Variants in STEAP3 observed in about 807,000 individuals in gnomAD.
STEAP3 encodes metalloreductase STEAP3.
In STEAP3, 35 loss-of-function variants were observed where a neutral mutation model predicts 34.9. The observed-to-expected ratio is 1.00, with a 90% CI of 0.76 to 1.33. The LOEUF is 1.33. STEAP3 is among the 40% of genes most tolerant of loss of function. The probability of loss-of-function intolerance (pLI) is 0.00; values close to 1 mark genes in which losing one functional copy is unlikely to be tolerated. For synonymous variants in STEAP3, 281 were observed against 301.6 expected (o/e 0.93, Z 0.71); for missense variants, 652 against 667.6 (o/e 0.98, Z 0.26).
In STEAP3 at chr2:119,264,052, G is replaced by A. The variant is rs562670596; in HGVS notation, c.*714G>A. On this transcript the variant is annotated 3_prime_UTR_variant, in exon 6 of 6. Transcript: ENST00000393110. The stretch of plus-strand genomic sequence containing the variant: ...AAAGTCAGAAGTCACCATAGAGCCT[G>A]CAAATGGATCCTCCTGTGAGAGTGA... 1 of 154,506 alleles carries A rather than the reference G, an allele frequency of 6.5e-6. No homozygotes were observed. Among genetic ancestry groups the A allele is most frequent in the Middle Eastern group, 3.4e-3 (1 of 294 alleles). 9.6% of individuals were successfully genotyped at this position (154,506 alleles called of 1,614,324 possible).
intron 5 of STEAP3, among the ~76,000 whole-genome samples, chr2:119,256,654 G>A (rs561952852): frequency 6.6e-6 from 1 of 152,346 alleles, no homozygotes; most frequent in East Asian, 1.9e-4. Context: ...CACTGCAAGA[G>A]CAGGGGGGGT....
chr2:119,253,346 G>C (rs562935990), intron 4 of STEAP3, among the ~76,000 whole-genome samples: 1 of 152,148 alleles, frequency 6.6e-6, no homozygotes, highest in African/African-American at 2.4e-5. Context: ...ACAGATTGCA[G>C]GAAAAGCACT....
At chr2:119,233,833 G>T (rs1159310770) in intron 2 of STEAP3, among the ~76,000 whole-genome samples, 4 of 152,196 alleles carry the variant, frequency 2.6e-5, no homozygotes, top group Non-Finnish European at 4.4e-5. Context: ...TGAGCTCTTG[G>T]GACCCTGGCG....
chr2:119,242,814 G>A (rs1194430851), intron 2 of STEAP3, among the ~76,000 whole-genome samples: 4 of 152,150 alleles, frequency 2.6e-5, no homozygotes, highest in Non-Finnish European at 5.9e-5. Flanking sequence ...TTAACATAAG[G>A]CAGAGTCAGG....
intron 5 of STEAP3, among the ~76,000 whole-genome samples, chr2:119,258,152 G>A (rs1677829303): frequency 1.3e-5 from 2 of 152,166 alleles, no homozygotes; most frequent in South Asian, 4.2e-4. Context: ...GTAACTTCCT[G>A]ACATTGCCAT....
In STEAP3 at chr2:119,247,753, C is replaced by T. The variant is rs773605963; in HGVS notation, c.597C>T (p.Pro199=). Residue 199 remains proline, a synonymous_variant, in exon 4 of 6, where the codon CCC becomes CCT. Transcript: ENST00000393110. ...TGGCGCTCGCCATGGGCTTCATGCC[C>T]GTGGACATGGGATCCCTGGCGTCAG... is the stretch of plus-strand genomic sequence containing the variant. ...SEMALAMGFM[P]VDMGSLASAW... 23 of 1,602,470 alleles carry T rather than the reference C, an allele frequency of 1.4e-5. No homozygotes were observed. Among genetic ancestry groups the T allele is most frequent in the East Asian group, 1.1e-4 (5 of 44,756 alleles).
At position 119,225,064 on chromosome 2, in the gene STEAP3, T is replaced by A. The variant is rs73948616; in HGVS notation, c.-394+1176T>A. Among the ~76,000 whole-genome samples the A allele has an allele frequency of 7.8e-3, 1,194 of 152,320 alleles. 17 individuals carry two copies. The highest frequency in any genetic ancestry group is 0.027 in the African/African-American group (1,117 of 41,572). ...TCTGGCAGCCCCAAGAATACAGTGC[T>A]GAGAGCCAGAAGGTCCACAAAACCA... is the stretch of plus-strand genomic sequence containing the variant. On this transcript the variant is annotated intron_variant, in intron 1 of 5. Transcript: ENST00000393110.
chr2:119,224,712 C>T (rs1055136885), intron 1 of STEAP3, among the ~76,000 whole-genome samples: 6 of 152,154 alleles, frequency 3.9e-5, no homozygotes, highest in Admixed American at 3.9e-4. Flanking sequence ...AGATGGGCTC[C>T]AGAAGTGGGG....
intron 2 of STEAP3, among the ~76,000 whole-genome samples, chr2:119,235,118 A>G (rs915431557): frequency 6.6e-6 from 1 of 152,092 alleles, no homozygotes; most frequent in Admixed American, 6.5e-5. Flanking sequence ...GTCCCCTAGA[A>G]CTGCTCCTCT....
chr2:119,255,790 G>C (rs1252710058), intron 5 of STEAP3, among the ~76,000 whole-genome samples: 1 of 151,826 alleles, frequency 6.6e-6, no homozygotes, highest in Non-Finnish European at 1.5e-5. Flanking sequence ...GGGAAATGCT[G>C]CTAGTGGCAA....
At chr2:119,232,587 T>C in intron 2 of STEAP3, among the ~76,000 whole-genome samples, 1 of 152,180 alleles carries the variant, frequency 6.6e-6, no homozygotes, top group Non-Finnish European at 1.5e-5. Context: ...GTGGGGGACT[T>C]CCCTGAAAAC....
At chr2:119,234,308 AG>A (rs1392768887) in intron 2 of STEAP3, among the ~76,000 whole-genome samples, 4 of 152,228 alleles carry the variant, frequency 2.6e-5, no homozygotes, top group Non-Finnish European at 5.9e-5. Flanking sequence ...GGGTTTGTGC[AG>A]CTCCAGGTCT....
intron 2 of STEAP3, among the ~76,000 whole-genome samples, chr2:119,242,202 G>T (rs1278755726): frequency 1.3e-5 from 2 of 152,182 alleles, no homozygotes; most frequent in Non-Finnish European, 2.9e-5. Flanking sequence ...CAGAGGAGAG[G>T]CTTCTGTCCA....
intron 2 of STEAP3, among the ~76,000 whole-genome samples, chr2:119,231,399 G>A (rs1676933024): frequency 2.0e-5 from 3 of 148,254 alleles, no homozygotes; most frequent in African/African-American, 7.4e-5. Flanking sequence ...GGATGTTAAT[G>A]TTTATGATGC....
chr2:119,262,331 T>C (rs1222301899), intron 5 of STEAP3, among the ~76,000 whole-genome samples: 3 of 133,618 alleles, frequency 2.2e-5, no homozygotes, highest in East Asian at 5.5e-4. Context: ...ACTAGTAAAA[T>C]TTATACACAC....
chr2:119,248,131 G>A lies in STEAP3; in HGVS notation c.975G>A (p.Leu325=). 2 of 1,608,580 alleles carry A rather than the reference G, an allele frequency of 1.2e-6. No individual in the cohort carries two copies. The highest frequency in any genetic ancestry group is 8.5e-7 in the Non-Finnish European group (1 of 1,179,862). ...IGLLSFFCAA[L]HALYSFCLPL... is the part of the protein sequence containing the mutation. ...TGCTCAGCTTCTTCTGCGCCGCCCT[G>A]CACGCCCTCTACAGCTTCTGCTTGC... The change falls in exon 4 of 6, where the codon CTG becomes CTA. Residue 325 remains leucine (L), a synonymous_variant. Coordinates refer to ENST00000393110, the MANE Select transcript of STEAP3 (RefSeq NM_182915.3).
chr2:119,242,300 T>G (rs1258641040), intron 2 of STEAP3, among the ~76,000 whole-genome samples: 2 of 152,144 alleles, frequency 1.3e-5, no homozygotes, highest in Non-Finnish European at 2.9e-5. Context: ...TTCCTCCCCA[T>G]CAGGGCAAAA....
chr2:119,256,690 A>G (rs1677783669), intron 5 of STEAP3, among the ~76,000 whole-genome samples: 1 of 152,184 alleles, frequency 6.6e-6, no homozygotes, highest in Non-Finnish European at 1.5e-5. Flanking sequence ...GCAGGATTTT[A>G]CTTGTGGAAA....
intron 2 of STEAP3, among the ~76,000 whole-genome samples, chr2:119,240,658 G>A (rs1677221259): frequency 6.6e-6 from 1 of 152,252 alleles, no homozygotes; most frequent in Non-Finnish European, 1.5e-5. Flanking sequence ...GGAGGGGACA[G>A]ACAAGCCTGG....
Sources: gnomAD v4.1 joint callset for allele counts (sites outside exome capture counted in the v4.1 genomes callset) on GRCh38, gnomAD v4.1.1 for gene constraint, MANE v1.5 for transcripts, NCBI Gene and HGNC (gene_info 2026-07-23, HGNC 2026-07-21) for gene names.